Variants in EDARADD observed in about 807,000 individuals in gnomAD.
EDARADD encodes the protein EDAR associated via death domain.
A neutral mutation model predicts 25.6 loss-of-function variants in EDARADD; 20 were observed. The ratio of observed to expected loss-of-function variants is 0.78; its 90% confidence interval spans 0.55 to 1.14. The LOEUF (loss-of-function observed/expected upper bound fraction) is 1.14, where lower values mean the gene tolerates loss of function less well. Ranked by LOEUF, EDARADD falls within the 50% of genes most tolerant of loss-of-function variation. EDARADD has a pLI of 0.00. For missense variants in EDARADD, 225 were observed against 270.1 expected (o/e 0.83, Z 1.17); for synonymous variants, 86 against 94.4 (o/e 0.91, Z 0.52).
intron 1 of EDARADD, among the ~76,000 whole-genome samples, chr1:236,397,454 G>A (rs1667537091): frequency 6.6e-6 from 1 of 152,040 alleles, no homozygotes; most frequent in Admixed American, 6.6e-5. Flanking sequence ...TCCCAAGATG[G>A]TGTTCTTAGT....
chr1:236,438,911 G>A lies in EDARADD; in HGVS notation c.219+11461G>A, dbSNP rs12028256. Among the ~76,000 whole-genome samples, 325 of 152,236 alleles carry A rather than the reference G, an allele frequency of 2.1e-3. 5 individuals carry two copies. In the East Asian group the frequency reaches 0.055, roughly 26 times the overall value. ...ACCCTTGGTGTTGTACATTCTATAG[G>A]TTTGGACAAACGTCTGATGACATGT... On this transcript the variant is annotated intron_variant, in intron 4 of 5. Coordinates refer to ENST00000334232, the MANE Select transcript of EDARADD (RefSeq NM_145861.4).
intron 3 of EDARADD, among the ~76,000 whole-genome samples, chr1:236,369,783 G>A (rs940390373): frequency 1.3e-5 from 2 of 152,146 alleles, no homozygotes; most frequent in African/African-American, 4.8e-5. Flanking sequence ...GGTTCGGTGA[G>A]CCGAGATTGC....
chr1:236,413,859 T>G (rs1357616208), intron 2 of EDARADD, among the ~76,000 whole-genome samples: 2 of 152,198 alleles, frequency 1.3e-5, no homozygotes, highest in African/African-American at 2.4e-5. Context: ...TAGTGAGTAC[T>G]GCCCAGAACA....
At position 236,358,533 on chromosome 1, in the gene EDARADD, C is replaced by A. The variant is rs1160722241; in HGVS notation, c.-6+7694C>A. 2.6e-5 allele frequency among the ~76,000 whole-genome samples: 4 copies of A among 152,328 alleles called. No individual in the cohort carries two copies. In the South Asian group the frequency reaches 8.3e-4, roughly 32 times the overall value. On this transcript the variant is annotated intron_variant, in intron 3 of 7. Transcript: ENST00000439430. ...AGTGCTATAAATTTCCCTCTTAACA[C>A]AGCTTTAGCTGCATCCCAGGGTTTC...
At chr1:236,355,675 A>C (rs1666968092) in intron 3 of EDARADD, among the ~76,000 whole-genome samples, 1 of 151,388 alleles carries the variant, frequency 6.6e-6, no homozygotes, top group Non-Finnish European at 1.5e-5. Context: ...ATGCCTGGCT[A>C]ATTTTTGTAT....
chr1:236,412,537 G>A (rs755035159), intron 2 of EDARADD, among the ~76,000 whole-genome samples: 7 of 151,834 alleles, frequency 4.6e-5, no homozygotes, highest in Non-Finnish European at 5.9e-5. Context: ...ATCTAATCCC[G>A]CCTTCCTCTG....
At chr1:236,471,306 T>C (rs1291411135) in intron 5 of EDARADD, among the ~76,000 whole-genome samples, 2 of 152,146 alleles carry the variant, frequency 1.3e-5, no homozygotes, top group African/African-American at 4.8e-5. Context: ...TCTTAGTAGA[T>C]AAAAATAATT....
chr1:236,432,372 G>C (rs1293687567), intron 4 of EDARADD, among the ~76,000 whole-genome samples: 1 of 147,492 alleles, frequency 6.8e-6, no homozygotes, highest in African/African-American at 2.5e-5. Context: ...CTGGGAGATA[G>C]AGCCAGACCC....
At chr1:236,419,558 G>A (rs922851402) in intron 3 of EDARADD, among the ~76,000 whole-genome samples, 1 of 152,214 alleles carries the variant, frequency 6.6e-6, no homozygotes, top group Non-Finnish European at 1.5e-5. Flanking sequence ...ACTTCAGTGT[G>A]CATCAGAATG....
At position 236,482,896 on chromosome 1, in the gene EDARADD, C is replaced by A. The variant is rs1258345357; in HGVS notation, c.*247C>A. ...TTAAGAAAACATATTTTCTAGTATC[C>A]TCTAAGGGCCAAAGTCCTACAATCG... On this transcript the variant is annotated 3_prime_UTR_variant, in exon 6 of 6. Transcript: ENST00000334232. 1.6e-6 allele frequency: 1 copy of A among 622,998 alleles called. No homozygotes were observed. Among genetic ancestry groups the A allele is most frequent in the Admixed American group, 2.9e-5 (1 of 33,954 alleles). 38.6% of individuals were successfully genotyped at this position (622,998 alleles called of 1,614,324 possible).
chr1:236,445,670 T>C (rs1171907933), intron 4 of EDARADD, among the ~76,000 whole-genome samples: 1 of 152,186 alleles, frequency 6.6e-6, no homozygotes, highest in Non-Finnish European at 1.5e-5. Context: ...AATTGGTGAC[T>C]AATAAACTTT....
At chr1:236,436,214 G>A (rs7542839) in intron 4 of EDARADD, among the ~76,000 whole-genome samples, 11,317 of 151,526 alleles carry the variant, frequency 0.075, 1,334 homozygotes, top group African/African-American at 0.24. Context: ...CTGGAGTGCA[G>A]TGGTGTGATC....
intron 4 of EDARADD, among the ~76,000 whole-genome samples, chr1:236,454,528 T>C (rs1658803626): frequency 1.3e-5 from 2 of 152,180 alleles, no homozygotes; most frequent in South Asian, 4.1e-4. Flanking sequence ...CATCCAGAAC[T>C]AGAGCAGGGG....
Position 236,399,071 on chromosome 1 carries a change from C to T in EDARADD, c.61+4566C>T, listed in dbSNP as rs115619911. Among the ~76,000 whole-genome samples, 982 of 152,134 alleles carry T rather than the reference C, an allele frequency of 6.5e-3. 16 individuals carry two copies. The highest frequency in any genetic ancestry group is 0.022 in the African/African-American group (933 of 41,494). On this transcript the variant is annotated intron_variant, in intron 1 of 5. Coordinates refer to ENST00000334232, the MANE Select transcript of EDARADD (RefSeq NM_145861.4). ...TTAGGAACTTACTCATCGAGTTAGC[C>T]GTATTAACTAAGTTTTCTTTGTAAA... is the stretch of plus-strand genomic sequence containing the variant.
chr1:236,367,133 A>C (rs1667119962), intron 3 of EDARADD, among the ~76,000 whole-genome samples: 1 of 131,794 alleles, frequency 7.6e-6, no homozygotes, highest in South Asian at 2.3e-4. Context: ...ACATTTTCAC[A>C]GATCTTCCCT....
Position 236,482,262 on chromosome 1 carries a change from T to C in EDARADD, c.266-5T>C, listed in dbSNP as rs1659697783. ...ACCTGTGGACTAAATTGTTTCTCCC[T>C]GCAGAGATCAGCAAGGACAACTCCT... On this transcript the variant is annotated splice_region_variant and splice_polypyrimidine_tract_variant and intron_variant, in intron 5 of 5. Coordinates refer to ENST00000334232, the MANE Select transcript of EDARADD (RefSeq NM_145861.4). 2.5e-6 allele frequency: 4 copies of C among 1,614,212 alleles called. No individual in the cohort carries two copies. Among genetic ancestry groups the C allele is most frequent in the Non-Finnish European group, 3.4e-6 (4 of 1,180,046 alleles).
At chr1:236,430,870 C>T (rs933146857) in intron 4 of EDARADD, among the ~76,000 whole-genome samples, 1 of 152,192 alleles carries the variant, frequency 6.6e-6, no homozygotes, top group Non-Finnish European at 1.5e-5. Context: ...ATAATCCCAA[C>T]ACTTTGTGGG....
intron 4 of EDARADD, among the ~76,000 whole-genome samples, chr1:236,436,576 G>A (rs770563283): frequency 4.9e-5 from 7 of 141,532 alleles, no homozygotes; most frequent in Non-Finnish European, 9.0e-5. Context: ...GCAGTGAGCC[G>A]TGATTGTGCT....
chr1:236,420,718 A>ATTC (rs1657761260), intron 3 of EDARADD, among the ~76,000 whole-genome samples: 1 of 152,160 alleles, frequency 6.6e-6, no homozygotes, highest in Non-Finnish European at 1.5e-5. Context: ...AACACACTGG[A>ATTC]ATTTGATATC....
Sources: allele counts gnomAD v4.1 joint callset (sites outside exome capture counted in the v4.1 genomes callset), GRCh38; gene constraint gnomAD v4.1.1; transcripts MANE v1.5; gene names NCBI Gene and HGNC (gene_info 2026-07-23, HGNC 2026-07-21).